The following EHHADH variants were observed in gnomAD, a reference collection of about 807,000 sequenced individuals.
EHHADH encodes enoyl-CoA hydratase and 3-hydroxyacyl CoA dehydrogenase.
EHHADH carries 48 observed loss-of-function variants against 64.4 expected under a neutral mutation model. The ratio of observed to expected loss-of-function variants is 0.75; its 90% CI spans 0.59 to 0.95. The LOEUF (loss-of-function observed/expected upper bound fraction) is 0.95, where lower values mean the gene tolerates loss of function less well. Among genes scored for constraint, EHHADH ranks in the 40% least tolerant of loss-of-function variants. The pLI is 0.00. For missense variants in EHHADH, 854 were observed against 876.6 expected (o/e 0.97, Z 0.33); for synonymous variants, 308 against 326.7 (o/e 0.94, Z 0.62).
chr3:185,213,978 C>A (rs1023111818), intron 5 of EHHADH, among the ~76,000 whole-genome samples: 18 of 151,162 alleles, frequency 1.2e-4, no homozygotes, highest in African/African-American at 2.9e-4. Flanking sequence ...AAATGAAAGG[C>A]AAATAAATAG....
At chr3:185,196,754 C>A (rs987852927) in intron 6 of EHHADH, among the ~76,000 whole-genome samples, 5 of 152,114 alleles carry the variant, frequency 3.3e-5, no homozygotes, top group Non-Finnish European at 7.3e-5. Flanking sequence ...GTAATCCCAG[C>A]ACTTTGGGAG....
chr3:185,204,902 TG>T (rs1718344567), intron 5 of EHHADH, 145 bp from the exon 6 acceptor site: 2 of 644,622 alleles, frequency 3.1e-6, no homozygotes, highest in African/African-American at 1.8e-5. Flanking sequence ...ACTAAACATA[TG>T]TACACTAACA....
intron 1 of EHHADH, among the ~76,000 whole-genome samples, chr3:185,251,168 T>G (rs1468939108): frequency 2.0e-5 from 3 of 152,074 alleles, no homozygotes; most frequent in Non-Finnish European, 4.4e-5. Flanking sequence ...TCATGACTAC[T>G]GACCAAAACT....
intron 1 of EHHADH, 187 bp downstream of exon 1, chr3:185,253,762 A>T: frequency 2.8e-5 from 5 of 178,902 alleles, no homozygotes; most frequent in Non-Finnish European, 4.5e-5. Flanking sequence ...AATCTAGGTT[A>T]AAAAAAAAAA....
intron 6 of EHHADH, 135 bp from the exon 7 acceptor site, chr3:185,193,622 T>C: frequency 9.8e-7 from 1 of 1,022,420 alleles, no homozygotes; most frequent in Non-Finnish European, 1.4e-6. Flanking sequence ...ATGGATTGAG[T>C]ACTAGTTAAG....
chr3:185,249,318 C>T (rs1490364680), intron 1 of EHHADH, among the ~76,000 whole-genome samples: 1 of 152,066 alleles, frequency 6.6e-6, no homozygotes, highest in Non-Finnish European at 1.5e-5. Context: ...TTAGTAGAGA[C>T]GGGGTTTCAC....
intron 5 of EHHADH, among the ~76,000 whole-genome samples, chr3:185,215,633 A>C (rs960063654): frequency 3.3e-5 from 5 of 152,224 alleles, no homozygotes; most frequent in African/African-American, 1.2e-4. Context: ...CTTAAAATGC[A>C]TGAATTTTAT....
chr3:185,246,847 C>A (rs1719609536), intron 2 of EHHADH, among the ~76,000 whole-genome samples: 1 of 151,962 alleles, frequency 6.6e-6, no homozygotes, highest in Non-Finnish European at 1.5e-5. Context: ...ATATTTCAGC[C>A]ATTTTTCTTT....
intron 5 of EHHADH, among the ~76,000 whole-genome samples, chr3:185,212,413 G>C (rs1303277408): frequency 6.6e-6 from 1 of 152,186 alleles, no homozygotes; most frequent in South Asian, 2.1e-4. Context: ...CCCAAATTGC[G>C]TTTTAGGTAT....
Position 185,216,816 on chromosome 3 carries a change from C to CT in EHHADH, c.568+1319_568+1320insA. On this transcript the variant is annotated intron_variant, in intron 5 of 6. Transcript: ENST00000231887. This position sits in a 1 kb window ranked among gnomAD's most constrained non-coding sequence, Gnocchi z 5.3. ...CCAGCACTCTGTTCTGCCTGTAACGCAATACTCTTCCCAATTATTTTTTTC... is the reference window on the plus strand; with the variant it reads ...CCAGCACTCTGTTCTGCCTGTAACGCTAATACTCTTCCCAATTATTTTTTTC... 6.6e-6 allele frequency among the ~76,000 whole-genome samples: 1 copy of CT among 151,018 alleles called. No individual in the cohort carries two copies. Among genetic ancestry groups the CT allele is most frequent in the South Asian group, 2.1e-4 (1 of 4,802 alleles).
chr3:185,238,031 A>C (rs1719345788), intron 2 of EHHADH, among the ~76,000 whole-genome samples: 1 of 152,074 alleles, frequency 6.6e-6, no homozygotes, highest in East Asian at 1.9e-4. Flanking sequence ...CTTATAAGTG[A>C]GAATATGCGG....
At chr3:185,206,691 G>C (rs1289903394) in intron 5 of EHHADH, among the ~76,000 whole-genome samples, 1 of 151,938 alleles carries the variant, frequency 6.6e-6, no homozygotes, top group Admixed American at 6.6e-5. Context: ...AGCTGGACAT[G>C]GTGGTGTGCA....
At chr3:185,247,974 CTTCTT>C (rs1166923768) in intron 2 of EHHADH, 1 of 153,304 alleles carries the variant, frequency 6.5e-6, no homozygotes, top group African/African-American at 2.4e-5. Context: ...TATTGACCAT[CTTCTT>C]TGTGTAGGTA....
chr3:185,193,082 A>T lies in EHHADH; in HGVS notation c.1316T>A (p.Val439Asp). The T allele has an allele frequency of 6.2e-7, 1 of 1,614,066 alleles. No individual in the cohort carries two copies. The highest frequency in any genetic ancestry group is 8.5e-7 in the Non-Finnish European group (1 of 1,179,956). ...IGTHFFSPAH[V>D]MKLLEVIPSQ... ...GGGAATAACCTCTAACAACTTCATG[A>T]CATGAGCTGGCGAAAAGAAGTGGGT... Residue 439 changes from valine (V) to aspartate (D), a missense_variant, in exon 7 of 7, where the codon GTC becomes GAC. Physicochemically the swap from Val to Asp is radical, Grantham distance 152 (BLOSUM62 -3). Transcript: ENST00000231887.
At chr3:185,241,698 T>C (rs1719458127) in intron 2 of EHHADH, among the ~76,000 whole-genome samples, 1 of 152,156 alleles carries the variant, frequency 6.6e-6, no homozygotes, top group Admixed American at 6.5e-5. Flanking sequence ...TGGGTATTAG[T>C]CCTTTGTTAG....
chr3:185,221,577 C>CTTTTTTTTTTTTTT (rs10663266), intron 4 of EHHADH, among the ~76,000 whole-genome samples: 2 of 130,728 alleles, frequency 1.5e-5, no homozygotes, highest in Non-Finnish European at 3.1e-5. Context: ...ATTTTTTTTT[C>CTTTTTTTTTTTTTT]TTTTTTTTTT....
chr3:185,231,829 T>C (rs1427541030), intron 3 of EHHADH, among the ~76,000 whole-genome samples: 1 of 152,200 alleles, frequency 6.6e-6, no homozygotes. Context: ...GGATACAAGG[T>C]TTCTTTTTGG....
At chr3:185,232,414 C>A (rs1033932718) in intron 3 of EHHADH, among the ~76,000 whole-genome samples, 1 of 152,140 alleles carries the variant, frequency 6.6e-6, no homozygotes, top group African/African-American at 2.4e-5. Flanking sequence ...CTGGTATAGC[C>A]ATATGATTGA....
At chr3:185,245,198 T>G (rs1719563354) in intron 2 of EHHADH, among the ~76,000 whole-genome samples, 1 of 152,204 alleles carries the variant, frequency 6.6e-6, no homozygotes, top group East Asian at 1.9e-4. Flanking sequence ...TTATCTTGTA[T>G]TTTACAGAAG....
Sources: gnomAD v4.1 joint callset for allele counts (sites outside exome capture counted in the v4.1 genomes callset) on GRCh38, gnomAD v4.1.1 for gene constraint, Gnocchi (gnomAD v3.1) non-coding constraint, MANE v1.5 for transcripts, NCBI Gene and HGNC (gene_info 2026-07-23, HGNC 2026-07-21) for gene names.